The following PPP4C variants were observed in gnomAD, a reference collection of about 807,000 sequenced individuals.
The protein encoded by PPP4C is protein phosphatase 4 catalytic subunit.
Under a neutral mutation model 40.5 loss-of-function variants are expected in PPP4C, and 10 were observed. The ratio of observed to expected loss-of-function variants is 0.25; its 90% CI spans 0.15 to 0.42. The LOEUF (loss-of-function observed/expected upper bound fraction) is 0.42. PPP4C is among the 10% of genes least tolerant of loss of function. The pLI is 1.00. For synonymous variants in PPP4C, 187 were observed against 163.6 expected (o/e 1.14, Z -1.09); for missense variants, 191 against 416.4 (o/e 0.46, Z 4.71).
At chr16:30,084,087 T>G (rs1271638775) in intron 7 of PPP4C, among the ~76,000 whole-genome samples, 1 of 152,094 alleles carries the variant, frequency 6.6e-6, no homozygotes, top group Admixed American at 6.5e-5. Flanking sequence ...ATTTTGTGGG[T>G]TTTCCACTAG....
chr16:30,084,519 C>G, intron 7 of PPP4C, 147 bp from the exon 8 acceptor site: 1 of 731,722 alleles, frequency 1.4e-6, no homozygotes, highest in South Asian at 1.7e-5. Context: ...CCCCGCCATC[C>G]CACAGACCAT....
At chr16:30,077,602 C>T (rs926544849) in intron 2 of PPP4C, among the ~76,000 whole-genome samples, 1 of 152,170 alleles carries the variant, frequency 6.6e-6, no homozygotes, top group Admixed American at 6.5e-5. Flanking sequence ...GTGGCTTCTA[C>T]CAGGCTGGAG....
Position 30,083,149 on chromosome 16 carries a change from C to G in PPP4C, c.304-245C>G. ...CTGGGTGCCTTGCTAGGGACCCGGT[C>G]TGTGTCTGGTAGGTGAAAGAAGAGC... On this transcript the variant is annotated intron_variant, in intron 5 of 8. Transcript: ENST00000279387. This position sits in a 1 kb window ranked among gnomAD's most constrained non-coding sequence, Gnocchi z 6.3. The G allele has an allele frequency of 1.7e-6, 1 of 598,964 alleles. No individual in the cohort carries two copies. The highest frequency in any genetic ancestry group is 2.8e-5 in the East Asian group (1 of 35,506). 37.1% of individuals were successfully genotyped at this position (598,964 alleles called of 1,614,324 possible).
Position 30,083,801 on chromosome 16 carries a change from G to T in PPP4C, c.604+20G>T, listed in dbSNP as rs768394362. Reference sequence around the variant, plus strand: ...CAGAAGGTGAGGGCATGTGGGCAGGGGCAGGCAGGGACAGCCAGGAGGGGT... The same window carrying T: ...CAGAAGGTGAGGGCATGTGGGCAGGTGCAGGCAGGGACAGCCAGGAGGGGT... On this transcript the variant is annotated intron_variant, in intron 7 of 8. Coordinates refer to ENST00000279387, the MANE Select transcript of PPP4C (RefSeq NM_002720.3). The surrounding 1 kb of genome is among the most constrained non-coding windows in gnomAD (Gnocchi z 6.3). 27 of 1,612,924 alleles carry T rather than the reference G, an allele frequency of 1.7e-5. No individual in the cohort carries two copies. The African/African-American group carries it at 3.2e-4, about 19-fold the overall frequency.
intron 2 of PPP4C, among the ~76,000 whole-genome samples, chr16:30,079,599 A>G (rs2072466216): frequency 1.3e-5 from 2 of 152,216 alleles, no homozygotes; most frequent in South Asian, 4.1e-4. Context: ...GAAGCAGTGC[A>G]GGTGGGAGAG....
chr16:30,076,317 G>A lies in PPP4C; in HGVS notation c.-61G>A, dbSNP rs575324956. The A allele has an allele frequency of 5.8e-6, 9 of 1,545,676 alleles. No homozygotes were observed. In the African/African-American group the frequency reaches 1.1e-4, roughly 19 times the overall value. ...GGGCTCGTCTTGGCCTTTCCCAGGA[G>A]ACCCCTGTGCGGTGCGGAGGGGGCG... is the stretch of plus-strand genomic sequence containing the variant. On this transcript the variant is annotated splice_region_variant and 5_prime_UTR_variant, in exon 2 of 9. Transcript: ENST00000279387.
At position 30,083,186 on chromosome 16, in the gene PPP4C, T is replaced by G; in HGVS notation, c.304-208T>G. 1 of 636,248 alleles carries G rather than the reference T, an allele frequency of 1.6e-6. No individual in the cohort carries two copies. The highest frequency in any genetic ancestry group is 2.7e-5 in the East Asian group (1 of 36,894). 39.4% of individuals were successfully genotyped at this position (636,248 alleles called of 1,614,324 possible). ...GGTGAAAGAAGAGCCATTAGGTTCA[T>G]AGTTGAGGGAATGGGTCAGCTTTAC... On this transcript the variant is annotated intron_variant, in intron 5 of 8. Coordinates refer to ENST00000279387, the MANE Select transcript of PPP4C (RefSeq NM_002720.3). The surrounding 1 kb of genome is among the most constrained non-coding windows in gnomAD (Gnocchi z 6.3).
chr16:30,076,269 G>C, intron 1 of PPP4C, 46 bp from the exon 2 acceptor site: 1 of 1,133,894 alleles, frequency 8.8e-7, no homozygotes. Context: ...TCCGCTCCGA[G>C]CCCCGGACGG....
chr16:30,084,823 C>G lies in PPP4C; in HGVS notation c.762C>G (p.Leu254=). ...AGTGGCACTTCAATGAGACGGTGCT[C>G]ACTGTGTGGTCGGCACCCAACTACT... ...GYKWHFNETV[L]TVWSAPNYCY... is the part of the protein sequence containing the mutation. Residue 254 remains leucine, a synonymous_variant, in exon 8 of 9, where the codon CTC becomes CTG. Coordinates refer to ENST00000279387, the MANE Select transcript of PPP4C (RefSeq NM_002720.3). 1 of 1,614,242 alleles carries G rather than the reference C, an allele frequency of 6.2e-7. No homozygotes were observed. Among genetic ancestry groups the G allele is most frequent in the East Asian group, 2.2e-5 (1 of 44,890 alleles).
At chr16:30,084,592 C>A (rs1040521286) in intron 7 of PPP4C, 74 bp from the exon 8 acceptor site, 3 of 1,431,420 alleles carry the variant, frequency 2.1e-6, no homozygotes, top group Non-Finnish European at 2.9e-6. Flanking sequence ...CCAGGCTGCT[C>A]ACCCTCAAGG....
intron 1 of PPP4C, 46 bp from the exon 2 acceptor site, chr16:30,076,269 G>T (rs1373330179): frequency 8.8e-7 from 1 of 1,133,776 alleles, no homozygotes; most frequent in African/African-American, 1.5e-5. Flanking sequence ...TCCGCTCCGA[G>T]CCCCGGACGG....
Sources: allele counts gnomAD v4.1 joint callset (sites outside exome capture counted in the v4.1 genomes callset), GRCh38; gene constraint gnomAD v4.1.1; non-coding constraint Gnocchi (gnomAD v3.1); transcripts MANE v1.5; gene names NCBI Gene and HGNC (gene_info 2026-07-23, HGNC 2026-07-21).